The following ENTPD6 variants were observed in gnomAD, a reference collection of about 807,000 sequenced individuals.
The protein encoded by ENTPD6 is CD39 antigen-like 2.
In ENTPD6, 46 loss-of-function variants were observed where a neutral mutation model predicts 61.5. The observed-to-expected ratio is 0.75, with a 90% CI of 0.59 to 0.96. The LOEUF (loss-of-function observed/expected upper bound fraction) is 0.96. Among genes scored for constraint, ENTPD6 ranks in the 40% least tolerant of loss-of-function variants. The pLI, the probability that ENTPD6 is intolerant of heterozygous loss-of-function variation, is 0.00. For missense variants in ENTPD6, 612 were observed against 629.0 expected (o/e 0.97, Z 0.29); for synonymous variants, 252 against 255.5 (o/e 0.99, Z 0.13).
intron 7 of ENTPD6, 44 bp from the exon 8 acceptor site, chr20:25,216,604 A>T (rs771120194): frequency 6.8e-7 from 1 of 1,465,848 alleles, no homozygotes; most frequent in South Asian, 1.2e-5. Flanking sequence ...TGTTCTCGCG[A>T]TCTTACTAAT....
At chr20:25,210,484 A>C (rs547207239) in intron 4 of ENTPD6, among the ~76,000 whole-genome samples, 1 of 151,962 alleles carries the variant, frequency 6.6e-6, no homozygotes, top group African/African-American at 2.4e-5. Context: ...CTATTTCTAC[A>C]AAATTTAAAA....
Position 25,209,141 on chromosome 20 carries a change from G to A in ENTPD6, c.377-708G>A, listed in dbSNP as rs560063667. ...TTTTTTTTTTTTGAGATGGAGTCTC[G>A]CTCTGTCGCCCAGGCTGGAGTGCAG... On this transcript the variant is annotated intron_variant, in intron 3 of 14. Transcript: ENST00000376652. Among the ~76,000 whole-genome samples, 16 of 144,894 alleles carry A rather than the reference G, an allele frequency of 1.1e-4. No individual in the cohort carries two copies. The South Asian group carries it at 1.9e-3, about 18-fold the overall frequency.
At chr20:25,214,131 C>T (rs559168110) in intron 5 of ENTPD6, among the ~76,000 whole-genome samples, 18 of 152,274 alleles carry the variant, frequency 1.2e-4, no homozygotes, top group African/African-American at 3.8e-4. Context: ...CTCCCAGTCC[C>T]AGCACGTCAG....
At chr20:25,197,290 A>C in intron 1 of ENTPD6, 1 of 947,646 alleles carries the variant, frequency 1.1e-6, no homozygotes, top group Non-Finnish European at 1.3e-6. Flanking sequence ...CACCAACAAC[A>C]CTGCTCTACC....
chr20:25,218,479 T>A, intron 9 of ENTPD6, 71 bp from the exon 10 acceptor site: 2 of 1,439,320 alleles, frequency 1.4e-6, no homozygotes, highest in Non-Finnish European at 1.9e-6. Context: ...TCGGGCTGGG[T>A]CTCAGAGGTG....
chr20:25,225,348 C>G (rs755691605), intron 14 of ENTPD6, 31 bp downstream of exon 14: 1 of 1,611,134 alleles, frequency 6.2e-7, no homozygotes, highest in Non-Finnish European at 8.5e-7. Context: ...CGCCCCAGCC[C>G]CTTTATGGAG....
chr20:25,225,101 G>A (rs1312994191), intron 13 of ENTPD6, 104 bp from the exon 14 acceptor site: 14 of 1,493,158 alleles, frequency 9.4e-6, no homozygotes, highest in Non-Finnish European at 1.3e-5. Flanking sequence ...TCCGGAGTGC[G>A]GAGCCAGCGG....
chr20:25,209,179 C>T (rs912788429), intron 3 of ENTPD6, among the ~76,000 whole-genome samples: 5 of 150,378 alleles, frequency 3.3e-5, no homozygotes, highest in African/African-American at 7.4e-5. Context: ...GTGCAATCTC[C>T]GCTCACTGCA....
chr20:25,195,949 G>A, intron 1 of ENTPD6, 82 bp downstream of exon 1: 1 of 1,128,458 alleles, frequency 8.9e-7, no homozygotes, highest in South Asian at 4.5e-5. Context: ...GGCGCGCTGC[G>A]CTCCGGAGGA....
At chr20:25,210,484 A>G (rs547207239) in intron 4 of ENTPD6, among the ~76,000 whole-genome samples, 2 of 152,078 alleles carry the variant, frequency 1.3e-5, no homozygotes, top group Admixed American at 1.3e-4. Context: ...CTATTTCTAC[A>G]AAATTTAAAA....
chr20:25,206,645 A>T, intron 2 of ENTPD6, 55 bp downstream of exon 2: 1 of 1,275,908 alleles, frequency 7.8e-7, no homozygotes, highest in Non-Finnish European at 1.1e-6. Flanking sequence ...ACCTTTCGAA[A>T]AGTAAATTGC....
intron 12 of ENTPD6, among the ~76,000 whole-genome samples, 161 bp downstream of exon 12, chr20:25,223,139 G>A (rs1349191577): frequency 6.6e-6 from 1 of 152,174 alleles, no homozygotes; most frequent in Non-Finnish European, 1.5e-5. Flanking sequence ...GTCTCATCCT[G>A]AGTAGGAAAA....
At position 25,225,697 on chromosome 20, in the gene ENTPD6, G is replaced by T. The variant is rs907416732; in HGVS notation, c.*100G>T. 8 of 982,446 alleles carry T rather than the reference G, an allele frequency of 8.1e-6. No individual in the cohort carries two copies. The Admixed American group carries it at 1.6e-4, about 19-fold the overall frequency. The allele number at this position is 982,446 out of a possible 1,614,324, so 60.9% of individuals were successfully genotyped here. A position where few individuals can be genotyped will look rare whatever the true frequency, so the allele number is the denominator to read the frequency against. On this transcript the variant is annotated 3_prime_UTR_variant, in exon 15 of 15. Coordinates refer to ENST00000376652, the MANE Select transcript of ENTPD6 (RefSeq NM_001247.5). Reference sequence around the variant, plus strand: ...ATCCTGAGGAGCCACAGCACAGGCCGTGCTGGCACTTTCTGCACACTGGCT... The same window carrying T: ...ATCCTGAGGAGCCACAGCACAGGCCTTGCTGGCACTTTCTGCACACTGGCT...
Position 25,216,736 on chromosome 20 carries a change from G to T in ENTPD6, c.798G>T (p.Glu266Asp). Residue 266 changes from glutamate (E) to aspartate (D), a missense_variant and splice_region_variant, in exon 8 of 15, where the codon GAG (glutamate) becomes GAT (aspartate). Coordinates refer to ENST00000376652, the MANE Select transcript of ENTPD6 (RefSeq NM_001247.5). ...AGATCGCCTTCCTGCCACGCGTGGA[G>T]GTAACAAGCCCTGCCGACCACAGCG... ...STQIAFLPRV[E>D]GTLQASPPGY... is the part of the protein sequence containing the mutation. The T allele has an allele frequency of 6.3e-7, 1 of 1,590,624 alleles. No individual in the cohort carries two copies. Among genetic ancestry groups the T allele is most frequent in the Non-Finnish European group, 8.6e-7 (1 of 1,168,480 alleles).
intron 8 of ENTPD6, among the ~76,000 whole-genome samples, chr20:25,217,066 A>T (rs1219768527): frequency 6.6e-6 from 1 of 152,204 alleles, no homozygotes. Flanking sequence ...AAGGAACAAG[A>T]GCAGAAAGAT....
intron 1 of ENTPD6, among the ~76,000 whole-genome samples, chr20:25,197,725 T>C (rs2090610408): frequency 6.6e-6 from 1 of 152,258 alleles, no homozygotes; most frequent in Non-Finnish European, 1.5e-5. Flanking sequence ...CCCACCCTTG[T>C]GCAAGAGCAA....
In ENTPD6 at chr20:25,225,257, C is replaced by G. The variant is rs991022751; in HGVS notation, c.1296C>G (p.Asp432Glu). The G allele has an allele frequency of 6.2e-7, 1 of 1,613,556 alleles. No individual in the cohort carries two copies. Residue 432 changes from aspartate to glutamate, a missense_variant, in exon 14 of 15, where the codon GAC (aspartate) becomes GAG (glutamate). Transcript: ENST00000376652. Reference protein sequence around the residue: ...QPQSSPFSCMDLTYVSLLLQE... With the variant: ...QPQSSPFSCMELTYVSLLLQE... ...AGAGCAGCCCCTTCTCATGCATGGACCTCACCTACGTCAGCCTGCTACTCC... is the reference window on the plus strand; with the variant it reads ...AGAGCAGCCCCTTCTCATGCATGGAGCTCACCTACGTCAGCCTGCTACTCC...
chr20:25,220,617 T>C (rs2123258024), intron 10 of ENTPD6, among the ~76,000 whole-genome samples: 3 of 152,340 alleles, frequency 2.0e-5, no homozygotes, highest in Middle Eastern at 6.8e-3. Context: ...GACACTTTTG[T>C]GGTGGCTTCA....
At chr20:25,222,314 C>T (rs77016428) in intron 11 of ENTPD6, 2,179 of 155,210 alleles carry the variant, frequency 0.014, 21 homozygotes, top group Middle Eastern at 0.036. Context: ...CTGGGAAAGC[C>T]GGGAAGCTGG....
Sources: gnomAD v4.1 joint callset for allele counts (sites outside exome capture counted in the v4.1 genomes callset) on GRCh38, gnomAD v4.1.1 for gene constraint, MANE v1.5 for transcripts, NCBI Gene and HGNC (gene_info 2026-07-23, HGNC 2026-07-21) for gene names.